ZFYVE16: variants seen among roughly 807,000 people sequenced by gnomAD.
ZFYVE16 encodes zinc finger FYVE-type containing 16.
In ZFYVE16, 89 loss-of-function variants were observed where a neutral mutation model predicts 138.1. The observed-to-expected ratio is 0.64, with a 90% CI of 0.54 to 0.77. ZFYVE16 has a LOEUF of 0.77. ZFYVE16 is among the 30% of genes least tolerant of loss of function. ZFYVE16 has a pLI of 0.00. For synonymous variants in ZFYVE16, 596 were observed against 618.3 expected (o/e 0.96, Z 0.53); for missense variants, 1,793 against 1,786.7 (o/e 1.00, Z -0.06).
intron 15 of ZFYVE16, 145 bp from the exon 16 acceptor site, chr5:80,472,616 C>A: frequency 1.2e-6 from 1 of 831,904 alleles, no homozygotes; most frequent in Non-Finnish European, 1.8e-6. Context: ...GTCTTATTTC[C>A]TAGTGGAAAA....
At chr5:80,460,576 T>C (rs1195534792) in intron 15 of ZFYVE16, among the ~76,000 whole-genome samples, 1 of 152,218 alleles carries the variant, frequency 6.6e-6, no homozygotes, top group Non-Finnish European at 1.5e-5. Flanking sequence ...TTTAATTTTA[T>C]GTGCTGTGTG....
At chr5:80,439,882 G>GTA (rs1750467444) in intron 4 of ZFYVE16, 54 bp from the exon 5 acceptor site, 4 of 1,474,930 alleles carry the variant, frequency 2.7e-6, no homozygotes, top group Non-Finnish European at 3.7e-6. Flanking sequence ...ACTGCCTCTA[G>GTA]TAGGTGTAAG....
intron 18 of ZFYVE16, among the ~76,000 whole-genome samples, chr5:80,476,130 C>G (rs980283917): frequency 2.0e-5 from 3 of 152,042 alleles, no homozygotes; most frequent in Non-Finnish European, 2.9e-5. Flanking sequence ...TTTTAGCAGA[C>G]ACAGGGTTTC....
Position 80,438,359 on chromosome 5 carries a change from A to G in ZFYVE16, c.1674A>G (p.Lys558=). The G allele has an allele frequency of 6.2e-7, 1 of 1,613,712 alleles. No homozygotes were observed. The highest frequency in any genetic ancestry group is 8.5e-7 in the Non-Finnish European group (1 of 1,179,884). ...TTGAAGAAAATGTAAATGACTCTAA[A>G]TCGCAAATGAATCAGATAGATATGA... ...KSFEENVNDS[K]SQMNQIDMKG... is the part of the protein sequence containing the mutation. Residue 558 remains lysine, a synonymous_variant, in exon 4 of 19, where the codon AAA becomes AAG. Coordinates refer to ENST00000505560, the MANE Select transcript of ZFYVE16 (RefSeq NM_001284236.3).
intron 1 of ZFYVE16, among the ~76,000 whole-genome samples, chr5:80,418,163 C>CT (rs1746530185): frequency 6.6e-6 from 1 of 151,790 alleles, no homozygotes; most frequent in Non-Finnish European, 1.5e-5. Flanking sequence ...TTTTCTTTCA[C>CT]TTTTTGCCTT....
At chr5:80,476,068 C>T (rs988817442) in intron 18 of ZFYVE16, among the ~76,000 whole-genome samples, 20 of 152,104 alleles carry the variant, frequency 1.3e-4, no homozygotes, top group African/African-American at 4.1e-4. Flanking sequence ...CTCAGCCTCC[C>T]GAGTAGCTGG....
intron 15 of ZFYVE16, among the ~76,000 whole-genome samples, chr5:80,462,212 A>ACTG (rs1753196855): frequency 1.3e-5 from 2 of 152,128 alleles, no homozygotes; most frequent in African/African-American, 4.8e-5. Flanking sequence ...CCATTTTCAC[A>ACTG]CTGCTATAAA....
chr5:80,472,426 T>A (rs1368372501), intron 15 of ZFYVE16, among the ~76,000 whole-genome samples: 4 of 151,910 alleles, frequency 2.6e-5, no homozygotes, highest in Non-Finnish European at 5.9e-5. Flanking sequence ...CCTCTAGGGA[T>A]CTCAGTATTG....
intron 1 of ZFYVE16, among the ~76,000 whole-genome samples, chr5:80,422,711 G>A (rs1320957688): frequency 1.3e-5 from 2 of 151,908 alleles, no homozygotes; most frequent in Non-Finnish European, 2.9e-5. Flanking sequence ...TCTCAGCCTC[G>A]CAAAGTACTG....
chr5:80,437,061 A>G lies in ZFYVE16; in HGVS notation c.376A>G (p.Ile126Val), dbSNP rs545572005. 9.3e-6 allele frequency: 15 copies of G among 1,614,192 alleles called. No individual in the cohort carries two copies. Among genetic ancestry groups the G allele is most frequent in the African/African-American group, 6.7e-5 (5 of 75,076 alleles). Residue 126 changes from isoleucine to valine, a missense_variant, in exon 4 of 19, where the codon ATC (isoleucine) becomes GTC (valine). Ile to Val is a conservative substitution (Grantham distance 29, BLOSUM62 3). Transcript: ENST00000505560. ...ATATATGGGACGATGTAGTAAACCT[A>G]TCTGTGATCTGATAAGTGACATGGG... is the stretch of plus-strand genomic sequence containing the variant. Reference protein sequence around the residue: ...PLYMGRCSKPICDLISDMGNL... With the variant: ...PLYMGRCSKPVCDLISDMGNL...
At chr5:80,412,787 C>G (rs928770377) in intron 1 of ZFYVE16, among the ~76,000 whole-genome samples, 5 of 152,154 alleles carry the variant, frequency 3.3e-5, no homozygotes, top group African/African-American at 7.2e-5. Flanking sequence ...TCCGTTACTA[C>G]TACTTTTTAC....
chr5:80,463,274 G>T (rs1753329337), intron 15 of ZFYVE16, among the ~76,000 whole-genome samples: 1 of 152,202 alleles, frequency 6.6e-6, no homozygotes, highest in African/African-American at 2.4e-5. Flanking sequence ...CTGAAATCTA[G>T]GTGGAGGTTC....
At chr5:80,419,884 T>C (rs1746838594) in intron 1 of ZFYVE16, among the ~76,000 whole-genome samples, 1 of 151,896 alleles carries the variant, frequency 6.6e-6, no homozygotes, top group Non-Finnish European at 1.5e-5. Flanking sequence ...TGATCTTGGC[T>C]TACTGCAACA....
rs1329045841 is a variant in ZFYVE16 at position 80,472,908 on chromosome 5, A to G, written c.4172A>G (p.Glu1391Gly). ...YVDICWVDAE[E>G]KGNKGVISSV... ...GATATCTGCTGGGTAGATGCTGAAG[A>G]AAAAGGAAACAAAGGGTAGGAATTT... Residue 1391 changes from glutamate to glycine, a missense_variant, in exon 16 of 19, where the codon GAA (glutamate) becomes GGA (glycine). By Grantham distance (98) the Glu-to-Gly change is moderately conservative (BLOSUM62 -2). Transcript: ENST00000505560. The G allele has an allele frequency of 6.3e-7, 1 of 1,599,546 alleles. No homozygotes were observed. Among genetic ancestry groups the G allele is most frequent in the Non-Finnish European group, 8.5e-7 (1 of 1,173,750 alleles).
At chr5:80,428,296 A>G (rs1048012789) in intron 2 of ZFYVE16, among the ~76,000 whole-genome samples, 2 of 152,182 alleles carry the variant, frequency 1.3e-5, no homozygotes, top group Non-Finnish European at 2.9e-5. Flanking sequence ...TTTGCTGTTC[A>G]GCAACATTCA....
At position 80,472,765 on chromosome 5, in the gene ZFYVE16, C is replaced by T; in HGVS notation, c.4029C>T (p.Gly1343=). Residue 1343 remains glycine (G), a synonymous_variant, in exon 16 of 19, where the codon GGC becomes GGT. Coordinates refer to ENST00000505560, the MANE Select transcript of ZFYVE16 (RefSeq NM_001284236.3). ...GAAACTTAGTCTCATTTCTAGATGG[C>T]TTAATGGTACAAATAACTCCAGAGA... ...FLAKSSIVED[G]LMVQITPETM... is the part of the protein sequence containing the mutation. 2 of 1,612,900 alleles carry T rather than the reference C, an allele frequency of 1.2e-6. No individual in the cohort carries two copies. Among genetic ancestry groups the T allele is most frequent in the African/African-American group, 1.3e-5 (1 of 74,952 alleles).
rs1037733193 is a variant in ZFYVE16 at position 80,482,547 on chromosome 5, C to G, written c.*5170C>G. 1 of 152,198 alleles carries G rather than the reference C, an allele frequency of 6.6e-6. No individual in the cohort carries two copies. Among genetic ancestry groups the G allele is most frequent in the Non-Finnish European group, 1.5e-5 (1 of 68,032 alleles). 9.4% of individuals were successfully genotyped at this position (152,198 alleles called of 1,614,324 possible). A position where few individuals can be genotyped will look rare whatever the true frequency, so the allele number is the denominator to read the frequency against. ...CTGGCAAAAAACAAATATTCACATA[C>G]ATTTACATAGCATTCTATTTAAAGC... On this transcript the variant is annotated 3_prime_UTR_variant, in exon 19 of 19. Transcript: ENST00000505560.
rs1328263615 is a variant in ZFYVE16 at position 80,438,945 on chromosome 5, A to G, written c.2260A>G (p.Met754Val). Residue 754 changes from methionine (M) to valine (V), a missense_variant, in exon 4 of 19, where the codon ATG becomes GTG. By Grantham distance (21) the Met-to-Val change is conservative. Around this residue, in one of 2 missense-constraint regions of ZFYVE16, gnomAD observed 1,295 missense variants for 1,204.3 expected, o/e 1.08. Coordinates refer to ENST00000505560, the MANE Select transcript of ZFYVE16 (RefSeq NM_001284236.3). ...WVPDSEAPNCMNCQVKFTFTK... is the reference protein window; with the variant it reads ...WVPDSEAPNCVNCQVKFTFTK... Reference sequence around the variant, plus strand: ...TCCTGATTCAGAAGCTCCAAACTGTATGAACTGCCAAGTCAAATTTACTTT... The same window carrying G: ...TCCTGATTCAGAAGCTCCAAACTGTGTGAACTGCCAAGTCAAATTTACTTT... 7.4e-6 allele frequency: 12 copies of G among 1,613,912 alleles called. No individual in the cohort carries two copies. The highest frequency in any genetic ancestry group is 1.1e-5 in the South Asian group (1 of 91,072).
Position 80,477,480 on chromosome 5 carries a change from T to A in ZFYVE16, c.*103T>A. 9.2e-7 allele frequency: 1 copy of A among 1,088,530 alleles called. No homozygotes were observed. The highest frequency in any genetic ancestry group is 1.2e-6 in the Non-Finnish European group (1 of 801,076). The allele number at this position is 1,088,530 out of a possible 1,614,324, so 67.4% of individuals were successfully genotyped here. A position where few individuals can be genotyped will look rare whatever the true frequency, so the allele number is the denominator to read the frequency against. On this transcript the variant is annotated 3_prime_UTR_variant, in exon 19 of 19. Transcript: ENST00000505560. ...ACACTAAAAGTATAAATATGTCTGA[T>A]TTTTGAAACACATAAGCTTTGCTCT...
Sources: allele counts gnomAD v4.1 joint callset (sites outside exome capture counted in the v4.1 genomes callset), GRCh38; gene constraint gnomAD v4.1.1; regional missense constraint gnomAD v4.1.1; transcripts MANE v1.5; gene names NCBI Gene and HGNC (gene_info 2026-07-23, HGNC 2026-07-21).